The following SLC17A7 variants were observed in gnomAD, a reference collection of about 807,000 sequenced individuals.
The protein encoded by SLC17A7 is solute carrier family 17 member 7, also known as vesicular glutamate transporter 1.
SLC17A7 carries 15 observed loss-of-function variants against 59.1 expected under a neutral mutation model. The observed-to-expected ratio is 0.25, with a 90% confidence interval of 0.17 to 0.39. SLC17A7 has a LOEUF of 0.39. Among genes scored for constraint, SLC17A7 ranks in the 10% least tolerant of loss-of-function variants. The probability of loss-of-function intolerance (pLI) is 1.00; values close to 1 mark genes in which losing one functional copy is unlikely to be tolerated. For synonymous variants in SLC17A7, 353 were observed against 308.9 expected, an observed-to-expected ratio of 1.14 and a Z score of -1.50; for missense variants, 499 against 765.1, an observed-to-expected ratio of 0.65 and a Z score of 4.10.
rs777436545 is a variant in SLC17A7, at chr19:49,433,878, T to C, written c.725-10A>G. The C allele has an allele frequency of 6.2e-7, 1 of 1,607,466 alleles. No homozygotes were observed. The highest frequency in any genetic ancestry group is 1.4e-5 in the African/African-American group (1 of 73,528). ...AAGATCCCGAAGCTGCCTGGGGGGGTCAGGAGGGGGATGGGAGCGAGGTGA... is the reference window on the plus strand; with the variant it reads ...AAGATCCCGAAGCTGCCTGGGGGGGCCAGGAGGGGGATGGGAGCGAGGTGA... On this transcript the variant is annotated splice_polypyrimidine_tract_variant and intron_variant, in intron 6 of 11. Transcript: ENST00000221485. This position sits in a 1 kb window ranked among gnomAD's most constrained non-coding sequence, Gnocchi z 5.7.
At position 49,436,334 on chromosome 19, in the gene SLC17A7, G is replaced by A. The variant is rs1263050212; in HGVS notation, c.315+215C>T. On this transcript the variant is annotated intron_variant, in intron 2 of 11. Transcript: ENST00000221485. The surrounding 1 kb of genome is among the most constrained non-coding windows in gnomAD (Gnocchi z 4.1). Reference sequence around the variant, plus strand: ...AATCAAGCCCCTGGAAATAAGGGCGGGACTTCATTTAGATCAGGACGGGGC... The same window carrying A: ...AATCAAGCCCCTGGAAATAAGGGCGAGACTTCATTTAGATCAGGACGGGGC... Among the ~76,000 whole-genome samples the A allele has an allele frequency of 6.6e-6, 1 of 152,186 alleles. No individual in the cohort carries two copies. Among genetic ancestry groups the A allele is most frequent in the African/African-American group, 2.4e-5 (1 of 41,430 alleles).
chr19:49,432,367 G>T, intron 9 of SLC17A7, 152 bp downstream of exon 9: 1 of 1,109,756 alleles, frequency 9.0e-7, no homozygotes, highest in Non-Finnish European at 1.3e-6. Flanking sequence ...CCCTGCCCCG[G>T]CTCCACCCTG....
Position 49,431,389 on chromosome 19 carries a change from C to A in SLC17A7, c.1210G>T (p.Ala404Ser). Residue 404 changes from alanine to serine, a missense_variant, in exon 10 of 12, where the codon GCC (alanine) becomes TCC (serine). Ala to Ser is a moderately conservative substitution (Grantham distance 99). Transcript: ENST00000221485. This position sits in a 1 kb window ranked among gnomAD's most constrained non-coding sequence, Gnocchi z 4.6. ...ACGGCTAGGACCAGGAAGGAGATGG[C>A]CACGCCCTTGGAGTGCGAGTAGCCG... ...VVGYSHSKGV[A>S]ISFLVLAVGF... The A allele has an allele frequency of 4.3e-6, 7 of 1,614,088 alleles. No homozygotes were observed. The highest frequency in any genetic ancestry group is 3.3e-5 in the South Asian group (3 of 91,090).
In SLC17A7 at chr19:49,431,228, C is replaced by T; in HGVS notation, c.1262-86G>A. ...GGACGTTCTCAACCCTCTCCCCTCC[C>T]CGCCACTCATGTTCCACCTTTTGTG... On this transcript the variant is annotated intron_variant, in intron 10 of 11. Transcript: ENST00000221485. The surrounding 1 kb of genome is among the most constrained non-coding windows in gnomAD (Gnocchi z 4.6). 1 of 1,568,162 alleles carries T rather than the reference C, an allele frequency of 6.4e-7. No homozygotes were observed. Among genetic ancestry groups the T allele is most frequent in the Non-Finnish European group, 8.7e-7 (1 of 1,152,630 alleles).
Position 49,432,637 on chromosome 19 carries a change from G to A in SLC17A7, c.1032C>T (p.Ser344=). 6.2e-7 allele frequency: 1 copy of A among 1,611,158 alleles called. No individual in the cohort carries two copies. Among genetic ancestry groups the A allele is most frequent in the Non-Finnish European group, 8.5e-7 (1 of 1,179,428 alleles). Residue 344 remains serine (S), a synonymous_variant, in exon 9 of 12, where the codon TCC becomes TCT. Coordinates refer to ENST00000221485, the MANE Select transcript of SLC17A7 (RefSeq NM_020309.4). ...GFEISKVGLV[S]ALPHLVMTII... ...TGGTCATGACCAGGTGGGGCAGCGC[G>A]GACACCAGGCCTACCTGCGGGAACA...
In SLC17A7 at chr19:49,429,426, G is replaced by T. The variant is rs2078949361; in HGVS notation, c.*1093C>A. On this transcript the variant is annotated 3_prime_UTR_variant, in exon 12 of 12. Transcript: ENST00000221485. ...GCCTATACACCAAAGCTTTTATTGG[G>T]AGTGGGGCAGGGCAGGATTTACAGT... The T allele has an allele frequency of 2.5e-6, 1 of 399,230 alleles. No individual in the cohort carries two copies. 24.7% of individuals were successfully genotyped at this position (399,230 alleles called of 1,614,324 possible). A position where few individuals can be genotyped will look rare whatever the true frequency, so the allele number is the denominator to read the frequency against.
intron 2 of SLC17A7, chr19:49,435,514 C>G: frequency 8.9e-6 from 4 of 451,188 alleles, no homozygotes; most frequent in Non-Finnish European, 1.2e-5. Flanking sequence ...AGTCCATCAC[C>G]ACCTAGACGC....
rs2122292724 is a variant in SLC17A7, at chr19:49,431,579, G to T, written c.1151-131C>A. ...TCCACCCCAGTCTGGCCACCTCCAC[G>T]CCCAGGCCTCTTCGCGCCCTCCACG... On this transcript the variant is annotated intron_variant, in intron 9 of 11. Coordinates refer to ENST00000221485, the MANE Select transcript of SLC17A7 (RefSeq NM_020309.4). The surrounding 1 kb of genome is among the most constrained non-coding windows in gnomAD (Gnocchi z 4.6). The T allele has an allele frequency of 2.9e-6, 2 of 696,184 alleles. No homozygotes were observed. Among genetic ancestry groups the T allele is most frequent in the Non-Finnish European group, 4.8e-6 (2 of 413,558 alleles). 43.1% of individuals were successfully genotyped at this position (696,184 alleles called of 1,614,324 possible).
chr19:49,431,526 G>C lies in SLC17A7; in HGVS notation c.1151-78C>G. 1 of 1,232,830 alleles carries C rather than the reference G, an allele frequency of 8.1e-7. No homozygotes were observed. The highest frequency in any genetic ancestry group is 1.3e-5 in the South Asian group (1 of 78,964). The allele number at this position is 1,232,830 out of a possible 1,614,324, so 76.4% of individuals were successfully genotyped here. A position where few individuals can be genotyped will look rare whatever the true frequency, so the allele number is the denominator to read the frequency against. On this transcript the variant is annotated intron_variant, in intron 9 of 11. Coordinates refer to ENST00000221485, the MANE Select transcript of SLC17A7 (RefSeq NM_020309.4). This position sits in a 1 kb window ranked among gnomAD's most constrained non-coding sequence, Gnocchi z 4.6. ...CAGGCTGCCCCACACCGCCCTTCCAGACCTGCTCCAGCCCCAAACCGCGTC... is the reference window on the plus strand; with the variant it reads ...CAGGCTGCCCCACACCGCCCTTCCACACCTGCTCCAGCCCCAAACCGCGTC...
chr19:49,430,997 C>A lies in SLC17A7; in HGVS notation c.1389+18G>T. The A allele has an allele frequency of 6.3e-7, 1 of 1,597,362 alleles. No homozygotes were observed. Among genetic ancestry groups the A allele is most frequent in the South Asian group, 1.1e-5 (1 of 89,800 alleles). On this transcript the variant is annotated intron_variant, in intron 11 of 11. Transcript: ENST00000221485. ...GCACACACTTGGAGGCAGACTGAGT[C>A]AGGACTGCGGCACCCACCTTGTGCT...
chr19:49,439,855 G>T (rs1862085137), intron 1 of SLC17A7, among the ~76,000 whole-genome samples: 1 of 152,126 alleles, frequency 6.6e-6, no homozygotes, highest in Non-Finnish European at 1.5e-5. Context: ...AGAAACAGAG[G>T]CAGAGACTGA....
Position 49,435,339 on chromosome 19 carries a change from C to G in SLC17A7, c.316-53G>C, listed in dbSNP as rs1240307927. The G allele has an allele frequency of 9.1e-6, 12 of 1,321,720 alleles. No homozygotes were observed. The South Asian group carries it at 1.2e-4, about 13-fold the overall frequency. 81.9% of individuals were successfully genotyped at this position (1,321,720 alleles called of 1,614,324 possible). On this transcript the variant is annotated intron_variant, in intron 2 of 11. Coordinates refer to ENST00000221485, the MANE Select transcript of SLC17A7 (RefSeq NM_020309.4). Reference sequence around the variant, plus strand: ...GCCGCCCTGTCCAGGCTCTGCCGCTCCACCAATCAGCACCCACAGACTTAG... The same window carrying G: ...GCCGCCCTGTCCAGGCTCTGCCGCTGCACCAATCAGCACCCACAGACTTAG...
At position 49,436,576 on chromosome 19, in the gene SLC17A7, G is replaced by A. The variant is rs768092444; in HGVS notation, c.288C>T (p.Thr96=). 1.2e-6 allele frequency: 2 copies of A among 1,613,700 alleles called. No homozygotes were observed. Among genetic ancestry groups the A allele is most frequent in the African/African-American group, 1.3e-5 (1 of 74,936 alleles). Residue 96 remains threonine (T), a synonymous_variant, in exon 2 of 12, where the codon ACC becomes ACT. Transcript: ENST00000221485. This position sits in a 1 kb window ranked among gnomAD's most constrained non-coding sequence, Gnocchi z 4.1. The part of the protein sequence containing the change: ...AIVSMVNNST[T]HRGGHVVVQK... ...GCACCACCACGTGGCCCCCGCGGTGGGTCGTGCTGTTATTGACCATGGAGA... is the reference window on the plus strand; with the variant it reads ...GCACCACCACGTGGCCCCCGCGGTGAGTCGTGCTGTTATTGACCATGGAGA...
rs952898735 is a variant in SLC17A7, at chr19:49,436,082, G to A, written c.315+467C>T. ...TGCACCGTAGCCTGGGAGACCCTGT[G>A]GGTCTTTAGATAAGGGACACAACAC... On this transcript the variant is annotated intron_variant, in intron 2 of 11. Transcript: ENST00000221485. The surrounding 1 kb of genome is among the most constrained non-coding windows in gnomAD (Gnocchi z 4.1). 1 of 170,278 alleles carries A rather than the reference G, an allele frequency of 5.9e-6. No homozygotes were observed. The highest frequency in any genetic ancestry group is 2.4e-5 in the African/African-American group (1 of 42,080). The allele number at this position is 170,278 out of a possible 1,614,324, so 10.5% of individuals were successfully genotyped here.
Position 49,436,466 on chromosome 19 carries a change from G to A in SLC17A7, c.315+83C>T, listed in dbSNP as rs2078979920. 4 of 1,536,940 alleles carry A rather than the reference G, an allele frequency of 2.6e-6. No homozygotes were observed. The highest frequency in any genetic ancestry group is 1.9e-4 in the Middle Eastern group (1 of 5,218). On this transcript the variant is annotated intron_variant, in intron 2 of 11. Transcript: ENST00000221485. The surrounding 1 kb of genome is among the most constrained non-coding windows in gnomAD (Gnocchi z 4.1). ...GGAAGGGGCGTGGCCTGGACGTCTG[G>A]TGGGTGAGTGTGACGTCATGGGGGC...
rs745558082 is a variant in SLC17A7, at chr19:49,430,744, G to A, written c.1458C>T (p.Tyr486=). ...GCTTCTCTCCAGAAGCAAAGACCCC[G>A]TAGAAGATGACACCTCCATAGTGCA... is the stretch of plus-strand genomic sequence containing the variant. The part of the protein sequence containing the change: ...SLVHYGGVIF[Y]GVFASGEKQP... Residue 486 remains tyrosine, a synonymous_variant, in exon 12 of 12, where the codon TAC becomes TAT. Coordinates refer to ENST00000221485, the MANE Select transcript of SLC17A7 (RefSeq NM_020309.4). The A allele has an allele frequency of 1.2e-6, 2 of 1,614,116 alleles. No individual in the cohort carries two copies. Among genetic ancestry groups the A allele is most frequent in the Admixed American group, 3.3e-5 (2 of 60,010 alleles).
In SLC17A7 at chr19:49,431,430, G is replaced by A. The variant is rs2078958945; in HGVS notation, c.1169C>T (p.Thr390Met). 6.2e-7 allele frequency: 1 copy of A among 1,613,946 alleles called. No homozygotes were observed. The highest frequency in any genetic ancestry group is 8.5e-7 in the Non-Finnish European group (1 of 1,179,972). ...MNCGGFGMEA[T>M]LLLVVGYSHS... ...CGAGTAGCCGACCACCAACAGCAGC[G>A]TGGCTTCCATGCCGAAGCCTACGGG... Residue 390 changes from threonine to methionine, a missense_variant, in exon 10 of 12, where the codon ACG becomes ATG. Physicochemically the swap from Thr to Met is moderately conservative, Grantham distance 81. This residue lies in a region of SLC17A7 where 323 missense variants were observed against 607.2 expected (regional missense o/e 0.53). Coordinates refer to ENST00000221485, the MANE Select transcript of SLC17A7 (RefSeq NM_020309.4). This position sits in a 1 kb window ranked among gnomAD's most constrained non-coding sequence, Gnocchi z 4.6.
rs368231298 is a variant in SLC17A7 at position 49,430,997 on chromosome 19, C to G, written c.1389+18G>C. ...GCACACACTTGGAGGCAGACTGAGT[C>G]AGGACTGCGGCACCCACCTTGTGCT... On this transcript the variant is annotated intron_variant, in intron 11 of 11. Transcript: ENST00000221485. 159 of 1,597,362 alleles carry G rather than the reference C, an allele frequency of 1.0e-4. No homozygotes were observed. The African/African-American group carries it at 1.9e-3, about 19-fold the overall frequency.
At chr19:49,438,482 G>A (rs2078988288) in intron 1 of SLC17A7, among the ~76,000 whole-genome samples, 1 of 152,038 alleles carries the variant, frequency 6.6e-6, no homozygotes, top group African/African-American at 2.4e-5. Flanking sequence ...GGGGAGGAAG[G>A]AACAGCCAGA....
Sources: allele counts gnomAD v4.1 joint callset (sites outside exome capture counted in the v4.1 genomes callset), GRCh38; gene constraint gnomAD v4.1.1; regional missense constraint gnomAD v4.1.1; non-coding constraint Gnocchi (gnomAD v3.1); transcripts MANE v1.5; gene names NCBI Gene and HGNC (gene_info 2026-07-23, HGNC 2026-07-21).